CECR2: variants seen among roughly 807,000 people sequenced by gnomAD.
CECR2 encodes the protein CECR2 histone acetyl-lysine reader, also known as chromatin remodeling regulator CECR2.
CECR2 carries 30 observed loss-of-function variants against 154.5 expected under a neutral mutation model. That is an observed-to-expected ratio of 0.19 (90% CI 0.15 to 0.26). CECR2 has a LOEUF of 0.26. CECR2 is among the 10% of genes least tolerant of loss of function. The pLI, the probability that CECR2 is intolerant of heterozygous loss-of-function variation, is 1.00. For missense variants in CECR2, 1,743 were observed against 1,829.3 expected, an observed-to-expected ratio of 0.95 and a Z score of 0.86; for synonymous variants, 725 against 683.7, an observed-to-expected ratio of 1.06 and a Z score of -0.94.
intron 1 of CECR2, among the ~76,000 whole-genome samples, chr22:17,384,926 G>T (rs1157180171): frequency 6.6e-6 from 1 of 152,164 alleles, no homozygotes; most frequent in East Asian, 1.9e-4. Context: ...AGATCTTCTG[G>T]ATAACTTGCT....
At chr22:17,495,658 C>T (rs1325382765) in intron 2 of CECR2, among the ~76,000 whole-genome samples, 5 of 149,946 alleles carry the variant, frequency 3.3e-5, no homozygotes, top group South Asian at 4.2e-4. Context: ...GTCAGGAAAT[C>T]GAGACCATCC....
At chr22:17,535,332 T>C (rs1304174240) in intron 9 of CECR2, among the ~76,000 whole-genome samples, 1 of 151,886 alleles carries the variant, frequency 6.6e-6, no homozygotes, top group Non-Finnish European at 1.5e-5. Context: ...AAAAAAAAAT[T>C]CTGTAACCTC....
chr22:17,392,344 C>G (rs2063334553), intron 1 of CECR2, among the ~76,000 whole-genome samples: 1 of 151,882 alleles, frequency 6.6e-6, no homozygotes, highest in African/African-American at 2.4e-5. Context: ...TACAAAATTA[C>G]AGGCATGGTG....
intron 8 of CECR2, chr22:17,518,587 G>T (rs174302): frequency 0.22 from 76,084 of 340,760 alleles, 9,406 homozygotes; most frequent in Non-Finnish European, 0.26. Context: ...CATTGCAGCT[G>T]TCACGTCTAT....
At chr22:17,370,086 G>A (rs1302835313) in intron 1 of CECR2, among the ~76,000 whole-genome samples, 177 bp downstream of exon 1, 2 of 151,080 alleles carry the variant, frequency 1.3e-5, no homozygotes, top group African/African-American at 4.8e-5. Flanking sequence ...GCCGGGCTGT[G>A]CCCGGGTGCC....
chr22:17,552,251 C>G (rs1286472921), intron 18 of CECR2, 109 bp downstream of exon 18: 3 of 984,226 alleles, frequency 3.0e-6, no homozygotes, highest in Non-Finnish European at 4.6e-6. Context: ...CCTGTGGATA[C>G]AGGAACTTTG....
chr22:17,524,162 G>T lies in CECR2; in HGVS notation c.999G>T (p.Glu333Asp). The T allele has an allele frequency of 6.2e-7, 1 of 1,604,408 alleles. No homozygotes were observed. Among genetic ancestry groups the T allele is most frequent in the Non-Finnish European group, 8.5e-7 (1 of 1,175,576 alleles). ...GAATAGAAAAACAAAAGCGCAAAGA[G>T]GAGGAAGAAGAGCGTCAGATTCTTC... is the stretch of plus-strand genomic sequence containing the variant. ...LTRIEKQKRK[E>D]EEEERQILLA... The change falls in exon 9 of 19, where the codon GAG becomes GAT. Residue 333 changes from glutamate to aspartate, a missense_variant. Coordinates refer to ENST00000262608, the MANE Select transcript of CECR2 (RefSeq NM_001290047.2).
intron 1 of CECR2, among the ~76,000 whole-genome samples, chr22:17,418,363 G>T (rs2054186057): frequency 1.3e-5 from 2 of 152,114 alleles, no homozygotes; most frequent in Non-Finnish European, 2.9e-5. Flanking sequence ...ACTGCACTGC[G>T]CTGTAGCTTA....
Position 17,552,006 on chromosome 22 carries a change from CATTGCTTCTTT to C in CECR2, c.4278-24_4278-14del. The C allele has an allele frequency of 6.2e-7, 1 of 1,604,552 alleles. No individual in the cohort carries two copies. Among genetic ancestry groups the C allele is most frequent in the East Asian group, 2.2e-5 (1 of 44,826 alleles). ...CGTTAACACGTCTTCATTAATTCTTCATTGCTTCTTTCTCGTGGCTGTAGAATGCAGATGCA... is the reference window on the plus strand; with the variant it reads ...CGTTAACACGTCTTCATTAATTCTTCCTCGTGGCTGTAGAATGCAGATGCA... On this transcript the variant is annotated splice_polypyrimidine_tract_variant and intron_variant, in intron 17 of 18. Coordinates refer to ENST00000262608, the MANE Select transcript of CECR2 (RefSeq NM_001290047.2).
At chr22:17,477,223 T>C (rs765230282) in intron 1 of CECR2, 1 of 698,030 alleles carries the variant, frequency 1.4e-6, no homozygotes, top group Non-Finnish European at 2.7e-6. Flanking sequence ...TCTTTTGCGA[T>C]TAAAATAGCA....
intron 8 of CECR2, 24 bp downstream of exon 8, chr22:17,511,920 G>C: frequency 6.4e-7 from 1 of 1,551,258 alleles, no homozygotes; most frequent in Non-Finnish European, 8.8e-7. Context: ...AGAGTAGCGA[G>C]GAGGAGCTTT....
At chr22:17,487,037 G>A (rs2055434162) in intron 2 of CECR2, among the ~76,000 whole-genome samples, 2 of 152,172 alleles carry the variant, frequency 1.3e-5, no homozygotes, top group South Asian at 4.1e-4. Flanking sequence ...CTCACTTTCT[G>A]TTTTTCAGCT....
chr22:17,378,207 T>C (rs2063142126), intron 1 of CECR2, among the ~76,000 whole-genome samples: 1 of 150,780 alleles, frequency 6.6e-6, no homozygotes, highest in African/African-American at 2.4e-5. Flanking sequence ...ATGGTCTGGA[T>C]CTCCTAACCT....
Position 17,542,772 on chromosome 22 carries a change from G to A in CECR2, c.2629G>A (p.Asp877Asn). The change falls in exon 16 of 19, where the codon GAC (aspartate) becomes AAC (asparagine). Residue 877 changes from aspartate to asparagine, a missense_variant. Asp to Asn is a conservative substitution (Grantham distance 23, BLOSUM62 1). Around this residue, in one of 4 missense-constraint regions of CECR2, gnomAD observed 1,250 missense variants for 1,192.1 expected, o/e 1.05. Coordinates refer to ENST00000262608, the MANE Select transcript of CECR2 (RefSeq NM_001290047.2). ...GGCTCTTCGGGGGGTGCAGGGAGGG[G>A]ACTCCATGATGGACAGCCCAGAGAT... The part of the protein sequence containing the change: ...AQALRGVQGG[D>N]SMMDSPEMIA... 1 of 1,613,978 alleles carries A rather than the reference G, an allele frequency of 6.2e-7. No homozygotes were observed. The highest frequency in any genetic ancestry group is 8.5e-7 in the Non-Finnish European group (1 of 1,179,904).
intron 2 of CECR2, among the ~76,000 whole-genome samples, chr22:17,480,260 C>T (rs1350819696): frequency 1.3e-5 from 2 of 152,056 alleles, no homozygotes; most frequent in Admixed American, 1.3e-4. Context: ...TACCCTAAAA[C>T]TTAGCAACTT....
chr22:17,419,546 AGAGGAG>A (rs202213584), intron 1 of CECR2: 298 of 196,558 alleles, frequency 1.5e-3, no homozygotes, highest in Non-Finnish European at 2.2e-3. Context: ...AGGAAGAGGA[AGAGGAG>A]GAGGAGGAGG....
At chr22:17,405,450 A>G (rs2053967216) in intron 1 of CECR2, among the ~76,000 whole-genome samples, 1 of 123,892 alleles carries the variant, frequency 8.1e-6, no homozygotes, top group Non-Finnish European at 1.8e-5. Context: ...ATAAGATAAA[A>G]TAAAAAATAT....
intron 1 of CECR2, among the ~76,000 whole-genome samples, chr22:17,463,588 A>G (rs1457455326): frequency 6.6e-6 from 1 of 152,160 alleles, no homozygotes; most frequent in East Asian, 1.9e-4. Flanking sequence ...TGCTGGAGAA[A>G]TATGCCATTT....
rs190807589 is a variant in CECR2 at position 17,494,299 on chromosome 22, A to G, written c.222-3104A>G. Among the ~76,000 whole-genome samples the G allele has an allele frequency of 1.4e-3, 219 of 152,214 alleles. 1 individual carries two copies. The highest frequency in any genetic ancestry group is 5.1e-3 in the African/African-American group (213 of 41,540). ...ACTTTAGTAGAGACGGGGTTTCTCCATGTCGGCCTCCCAAAGTGCTGGGAT... is the reference window on the plus strand; with the variant it reads ...ACTTTAGTAGAGACGGGGTTTCTCCGTGTCGGCCTCCCAAAGTGCTGGGAT... On this transcript the variant is annotated intron_variant, in intron 2 of 18. Transcript: ENST00000262608.
Sources: gnomAD v4.1 joint callset for allele counts (sites outside exome capture counted in the v4.1 genomes callset) on GRCh38, gnomAD v4.1.1 for gene constraint, gnomAD v4.1.1 regional missense constraint, MANE v1.5 for transcripts, NCBI Gene and HGNC (gene_info 2026-07-23, HGNC 2026-07-21) for gene names.